SLC5A4: variants seen among roughly 807,000 people sequenced by gnomAD.
SLC5A4 encodes the protein solute carrier family 5 member 4.
Under a neutral mutation model 70.3 loss-of-function variants are expected in SLC5A4, and 55 were observed. The ratio of observed to expected loss-of-function variants is 0.78; its 90% CI spans 0.63 to 0.98. SLC5A4 has a LOEUF of 0.98. SLC5A4 is among the 50% of genes least tolerant of loss of function. SLC5A4 has a pLI of 0.00. For synonymous variants in SLC5A4, 268 were observed against 305.7 expected, an observed-to-expected ratio of 0.88 and a Z score of 1.29; for missense variants, 735 against 839.2, an observed-to-expected ratio of 0.88 and a Z score of 1.53.
the SLC5A4 span, among the ~76,000 whole-genome samples, chr22:32,326,355 C>G: frequency 6.6e-6 from 1 of 151,060 alleles, no homozygotes; most frequent in African/African-American, 2.4e-5. Flanking sequence ...CACCCGAGTT[C>G]AAGCGATTCT....
At chr22:32,269,675 G>A in the SLC5A4 span, 8 of 595,710 alleles carry the variant, frequency 1.3e-5, no homozygotes, top group Non-Finnish European at 2.0e-5. The surrounding 1 kb of genome is among the most constrained non-coding windows in gnomAD (Gnocchi z 4.1). Context: ...TGTTATACCT[G>A]AACCAGAGCA....
At chr22:32,255,108 C>G in intron 1 of SLC5A4, 87 bp downstream of exon 1, 1 of 1,257,800 alleles carries the variant, frequency 8.0e-7, no homozygotes, top group Non-Finnish European at 1.1e-6. Flanking sequence ...TTGTGAAAAG[C>G]TTTGTCACAA....
chr22:32,301,391 A>G, the SLC5A4 span, among the ~76,000 whole-genome samples: 1 of 152,190 alleles, frequency 6.6e-6, no homozygotes, highest in East Asian at 1.9e-4. Context: ...TGTGGTTTTA[A>G]TATGCATCTG....
chr22:32,342,320 A>G, the SLC5A4 span, among the ~76,000 whole-genome samples: 1 of 152,224 alleles, frequency 6.6e-6, no homozygotes, highest in East Asian at 1.9e-4. Context: ...GTAGAAGCCT[A>G]AAACCACACA....
At chr22:32,251,475 C>T (rs1006345760) in intron 3 of SLC5A4, among the ~76,000 whole-genome samples, 1 of 151,844 alleles carries the variant, frequency 6.6e-6, no homozygotes, top group African/African-American at 2.4e-5. Context: ...CTGTCTCTGT[C>T]TCTGTCTCTT....
chr22:32,305,743 T>A, the SLC5A4 span, among the ~76,000 whole-genome samples: 2 of 129,510 alleles, frequency 1.5e-5, no homozygotes, highest in Admixed American at 9.3e-5. Flanking sequence ...GGTTACTCTG[T>A]CCCCTTGCCT....
the SLC5A4 span, among the ~76,000 whole-genome samples, chr22:32,304,755 T>C: frequency 6.6e-6 from 1 of 152,186 alleles, no homozygotes; most frequent in Non-Finnish European, 1.5e-5. Flanking sequence ...TTATCAATTC[T>C]CTCTTTCATA....
the SLC5A4 span, among the ~76,000 whole-genome samples, chr22:32,346,266 A>T: frequency 6.6e-6 from 1 of 152,206 alleles, no homozygotes; most frequent in East Asian, 1.9e-4. Flanking sequence ...TTTAATGAAA[A>T]AAGTGCTTGC....
At chr22:32,221,326 C>A (rs922797458) in intron 13 of SLC5A4, among the ~76,000 whole-genome samples, 3 of 152,104 alleles carry the variant, frequency 2.0e-5, no homozygotes, top group African/African-American at 7.2e-5. Context: ...TACACTATAC[C>A]CCAGCTTCAC....
At chr22:32,265,339 A>G in the SLC5A4 span, among the ~76,000 whole-genome samples, 1 of 152,110 alleles carries the variant, frequency 6.6e-6, no homozygotes, top group Non-Finnish European at 1.5e-5. Flanking sequence ...AGTGAGCCAT[A>G]ATTGTACCAT....
At chr22:32,293,425 T>G in the SLC5A4 span, among the ~76,000 whole-genome samples, 1 of 152,146 alleles carries the variant, frequency 6.6e-6, no homozygotes, top group Non-Finnish European at 1.5e-5. Context: ...TTCCTTAATA[T>G]TACCTTGGAA....
At chr22:32,286,698 G>A in the SLC5A4 span, among the ~76,000 whole-genome samples, 1 of 152,170 alleles carries the variant, frequency 6.6e-6, no homozygotes, top group Non-Finnish European at 1.5e-5. Context: ...TAACACACTT[G>A]TTAAATGGCA....
At chr22:32,254,063 G>C (rs1442622231) in intron 2 of SLC5A4, 79 bp downstream of exon 2, 2 of 1,148,342 alleles carry the variant, frequency 1.7e-6, no homozygotes, top group African/African-American at 3.0e-5. Context: ...TTACAGGCGT[G>C]AGACACCGCA....
chr22:32,303,736 C>T, the SLC5A4 span, among the ~76,000 whole-genome samples: 11 of 152,288 alleles, frequency 7.2e-5, no homozygotes, highest in East Asian at 3.9e-4. Context: ...TTCCAAGTTT[C>T]GGCAATTATG....
chr22:32,322,960 T>C, the SLC5A4 span, among the ~76,000 whole-genome samples: 1 of 152,234 alleles, frequency 6.6e-6, no homozygotes, highest in African/African-American at 2.4e-5. Flanking sequence ...TTACCTTTTT[T>C]CTTTTTCCCT....
chr22:32,248,732 C>T lies in SLC5A4; in HGVS notation c.372+11G>A. ...GAACTGAACTCTGGCATTTTGGTAA[C>T]AGATACTCACCCCCGACTTGATGTA... On this transcript the variant is annotated intron_variant, in intron 4 of 14. Transcript: ENST00000266086. 1.3e-6 allele frequency: 2 copies of T among 1,596,854 alleles called. No homozygotes were observed. Among genetic ancestry groups the T allele is most frequent in the East Asian group, 2.2e-5 (1 of 44,790 alleles).
the SLC5A4 span, among the ~76,000 whole-genome samples, chr22:32,264,072 A>C: frequency 4.7e-3 from 666 of 142,682 alleles, 5 homozygotes; most frequent in African/African-American, 0.017. Flanking sequence ...GAGCATTAGG[A>C]GAAATACCCA....
At chr22:32,254,245 G>A (rs755270188) in intron 1 of SLC5A4, 32 bp from the exon 2 acceptor site, 31 of 1,563,688 alleles carry the variant, frequency 2.0e-5, no homozygotes, top group South Asian at 6.7e-5. Context: ...TGAGGGTCAA[G>A]CCCCAGCAAG....
At chr22:32,333,412 G>A in the SLC5A4 span, among the ~76,000 whole-genome samples, 9,287 of 152,260 alleles carry the variant, frequency 0.061, 308 homozygotes, top group South Asian at 0.1. Flanking sequence ...TGAGGTGAAT[G>A]GGTGTAGGTA....
Sources: allele counts gnomAD v4.1 joint callset (sites outside exome capture counted in the v4.1 genomes callset), GRCh38; gene constraint gnomAD v4.1.1; non-coding constraint Gnocchi (gnomAD v3.1); transcripts MANE v1.5; gene names NCBI Gene and HGNC (gene_info 2026-07-23, HGNC 2026-07-21).